The following SLC7A11 variants were observed in gnomAD, a reference collection of about 807,000 sequenced individuals.
SLC7A11 encodes the protein solute carrier family 7 member 11, also known as cystine/glutamate transporter.
SLC7A11 carries 35 observed loss-of-function variants against 54.5 expected under a neutral mutation model. The observed-to-expected ratio is 0.64, with a 90% confidence interval of 0.49 to 0.85. The LOEUF (loss-of-function observed/expected upper bound fraction) is 0.85, where lower values mean the gene tolerates loss of function less well. Ranked by LOEUF, SLC7A11 falls within the 40% of genes least tolerant of loss-of-function variation. The pLI is 0.00. For synonymous variants in SLC7A11, 230 were observed against 225.2 expected (o/e 1.02, Z -0.19); for missense variants, 583 against 618.1 (o/e 0.94, Z 0.60).
chr4:138,180,902 A>C, intron 9 of SLC7A11, 112 bp from the exon 10 acceptor site: 1 of 943,984 alleles, frequency 1.1e-6, no homozygotes, highest in Non-Finnish European at 1.5e-6. Context: ...TTATACCGAT[A>C]AATTATCATC....
At chr4:138,225,705 A>G (rs1267062780) in intron 3 of SLC7A11, among the ~76,000 whole-genome samples, 1 of 152,106 alleles carries the variant, frequency 6.6e-6, no homozygotes, top group African/African-American at 2.4e-5. Flanking sequence ...AGGAGGTTCA[A>G]CGTTGGTGTA....
At chr4:138,220,773 CAG>C (rs1401209451) in intron 4 of SLC7A11, among the ~76,000 whole-genome samples, 3 of 152,112 alleles carry the variant, frequency 2.0e-5, no homozygotes, top group Non-Finnish European at 2.9e-5. Context: ...AGAAGGGGGA[CAG>C]GGGGTGGATG....
intron 11 of SLC7A11, among the ~76,000 whole-genome samples, chr4:138,175,072 T>G (rs888247237): frequency 6.6e-6 from 1 of 152,160 alleles, no homozygotes; most frequent in African/African-American, 2.4e-5. Context: ...TGAAGATAGT[T>G]TGGACCCCTA....
chr4:138,171,964 T>G lies in SLC7A11; in HGVS notation c.1498A>C (p.Lys500Gln), dbSNP rs1417293922. The G allele has an allele frequency of 6.3e-7, 1 of 1,596,348 alleles. No homozygotes were observed. Among genetic ancestry groups the G allele is most frequent in the Non-Finnish European group, 8.5e-7 (1 of 1,174,298 alleles). The change falls in exon 12 of 12, where the codon AAG (lysine) becomes CAG (glutamine). Residue 500 changes from lysine to glutamine, a missense_variant. Lys to Gln is a moderately conservative substitution (Grantham distance 53). Coordinates refer to ENST00000280612, the MANE Select transcript of SLC7A11 (RefSeq NM_014331.4). ...ATCTCAAGTCCATTAGTTCATAACT[T>G]ATCTTCTTCTGGTACAACTTCCAGT... is the stretch of plus-strand genomic sequence containing the variant. ...IILEVVPEED[K>Q]L
intron 11 of SLC7A11, chr4:138,176,432 ACAT>A (rs1736572924): frequency 6.6e-6 from 1 of 152,188 alleles, no homozygotes; most frequent in Non-Finnish European, 1.5e-5. Flanking sequence ...AATGTTCAAA[ACAT>A]CATTAGAGAT....
chr4:138,237,397 T>G (rs889458074), intron 1 of SLC7A11, among the ~76,000 whole-genome samples: 2 of 151,388 alleles, frequency 1.3e-5, no homozygotes, highest in African/African-American at 4.8e-5. Flanking sequence ...TGGGTGTTTT[T>G]TTTTGTTTGT....
At chr4:138,227,812 C>T (rs1209223249) in intron 3 of SLC7A11, among the ~76,000 whole-genome samples, 1 of 152,058 alleles carries the variant, frequency 6.6e-6, no homozygotes, top group Non-Finnish European at 1.5e-5. Context: ...GCTACAGGAC[C>T]CTTTGTTTCC....
Position 138,179,282 on chromosome 4 carries a change from C to T in SLC7A11, c.1379G>A (p.Gly460Glu). 6.2e-7 allele frequency: 1 copy of T among 1,612,690 alleles called. No homozygotes were observed. The highest frequency in any genetic ancestry group is 8.5e-7 in the Non-Finnish European group (1 of 1,179,064). The change falls in exon 11 of 12, where the codon GGA (glycine) becomes GAA (glutamate). Residue 460 changes from glycine to glutamate, a missense_variant. Gly to Glu is a moderately conservative substitution (Grantham distance 98, BLOSUM62 -2). Coordinates refer to ENST00000280612, the MANE Select transcript of SLC7A11 (RefSeq NM_014331.4). ...AATAAAGAGATAATACGCAGGGACT[C>T]CAGTCAGAGTGATGACGAAGCCAAT... ...TGIGFVITLT[G>E]VPAYYLFIIW...
Position 138,171,740 on chromosome 4 carries a change from A to G in SLC7A11, c.*216T>C, listed in dbSNP as rs2148405462. 1.9e-6 allele frequency: 1 copy of G among 520,294 alleles called. No homozygotes were observed. The highest frequency in any genetic ancestry group is 2.8e-5 in the South Asian group (1 of 35,584). The allele number at this position is 520,294 out of a possible 1,614,324, so 32.2% of individuals were successfully genotyped here. A position where few individuals can be genotyped will look rare whatever the true frequency, so the allele number is the denominator to read the frequency against. On this transcript the variant is annotated 3_prime_UTR_variant, in exon 12 of 12. Coordinates refer to ENST00000280612, the MANE Select transcript of SLC7A11 (RefSeq NM_014331.4). ...CAGAGACTCAAGAATTGTGCGACTCATAGAATAACTGCATATTCACTTTCT... is the reference window on the plus strand; with the variant it reads ...CAGAGACTCAAGAATTGTGCGACTCGTAGAATAACTGCATATTCACTTTCT...
intron 6 of SLC7A11, among the ~76,000 whole-genome samples, chr4:138,193,883 G>T (rs1560723939): frequency 6.6e-6 from 1 of 152,062 alleles, no homozygotes; most frequent in Non-Finnish European, 1.5e-5. Flanking sequence ...GCACATATTT[G>T]ACCCTAAAAT....
chr4:138,237,724 TA>T (rs1560742554), intron 1 of SLC7A11, among the ~76,000 whole-genome samples: 45 of 10,376 alleles, frequency 4.3e-3, no homozygotes, highest in Non-Finnish European at 6.5e-3. Context: ...TATATATATA[TA>T]TATATATATA....
chr4:138,185,113 G>T lies in SLC7A11; in HGVS notation c.915+8C>A. 6.2e-7 allele frequency: 1 copy of T among 1,612,418 alleles called. No homozygotes were observed. The highest frequency in any genetic ancestry group is 1.1e-5 in the South Asian group (1 of 91,034). On this transcript the variant is annotated splice_region_variant and intron_variant, in intron 7 of 11. Coordinates refer to ENST00000280612, the MANE Select transcript of SLC7A11 (RefSeq NM_014331.4). ...ATTCCAATTGGCATTTTCCCAACTT[G>T]GACTTACCACTGCCACTGCATTTGA...
intron 1 of SLC7A11, among the ~76,000 whole-genome samples, chr4:138,237,731 ATATATATTTTTTTTTTTTTTTTTT>A (rs1282155057): frequency 3.8e-4 from 4 of 10,652 alleles, no homozygotes; most frequent in Non-Finnish European, 6.2e-4. Flanking sequence ...ATATATATAT[ATATATATTTTTTTTTTTTTTTTTT>A]TTTTTTTTTT....
chr4:138,241,261 A>G (rs1367597189), intron 1 of SLC7A11, among the ~76,000 whole-genome samples: 1 of 152,198 alleles, frequency 6.6e-6, no homozygotes, highest in African/African-American at 2.4e-5. Context: ...CATGTCAAGG[A>G]CTTTTGAAAG....
chr4:138,172,719 G>A (rs1384163376), intron 11 of SLC7A11, among the ~76,000 whole-genome samples: 2 of 152,182 alleles, frequency 1.3e-5, no homozygotes, highest in African/African-American at 2.4e-5. Context: ...TGTTCAGAAG[G>A]AAGTCTACCT....
chr4:138,193,978 T>C (rs969377599), intron 6 of SLC7A11, among the ~76,000 whole-genome samples: 88 of 152,262 alleles, frequency 5.8e-4, no homozygotes, highest in African/African-American at 2.0e-3. Context: ...ATGAAGCTAA[T>C]GTTAGTAGGA....
intron 1 of SLC7A11, among the ~76,000 whole-genome samples, chr4:138,241,335 G>T (rs571528117): frequency 1.3e-5 from 2 of 152,232 alleles, no homozygotes; most frequent in Admixed American, 1.3e-4. Flanking sequence ...CCACCCATTT[G>T]TTTGGCTAAT....
At position 138,219,310 on chromosome 4, in the gene SLC7A11, C is replaced by A. The variant is rs776387607; in HGVS notation, c.702G>T (p.Arg234=). The A allele has an allele frequency of 6.2e-7, 1 of 1,611,188 alleles. No individual in the cohort carries two copies. The highest frequency in any genetic ancestry group is 8.5e-7 in the Non-Finnish European group (1 of 1,177,622). ...AFSGRDSSIT[R]LPLAFYYGMY... is the part of the protein sequence containing the mutation. ...TTCCATAATAAAAAGCCAGTGGCAACCGCGTAATACTTGAATCTCTTCCTG... is the reference window on the plus strand; with the variant it reads ...TTCCATAATAAAAAGCCAGTGGCAAACGCGTAATACTTGAATCTCTTCCTG... The change falls in exon 5 of 12, where the codon CGG becomes CGT. Residue 234 remains arginine, a synonymous_variant. Coordinates refer to ENST00000280612, the MANE Select transcript of SLC7A11 (RefSeq NM_014331.4).
At chr4:138,211,840 C>T (rs553706434) in intron 6 of SLC7A11, among the ~76,000 whole-genome samples, 2 of 151,704 alleles carry the variant, frequency 1.3e-5, no homozygotes, top group Non-Finnish European at 2.9e-5. Flanking sequence ...AAAGTTGACC[C>T]TATGGAGGTA....
Sources: allele counts gnomAD v4.1 joint callset (sites outside exome capture counted in the v4.1 genomes callset), GRCh38; gene constraint gnomAD v4.1.1; transcripts MANE v1.5; gene names NCBI Gene and HGNC (gene_info 2026-07-23, HGNC 2026-07-21).